Variants in SAMD4A observed in about 807,000 individuals in gnomAD.
SAMD4A encodes the protein protein Smaug homolog 1.
SAMD4A carries 33 observed loss-of-function variants against 81.3 expected under a neutral mutation model. The observed-to-expected ratio is 0.41, with a 90% CI of 0.31 to 0.54. The LOEUF is 0.54. Among genes scored for constraint, SAMD4A ranks in the 20% least tolerant of loss-of-function variants. The pLI is 0.37. For missense variants in SAMD4A, 854 were observed against 951.1 expected (o/e 0.90, Z 1.34); for synonymous variants, 389 against 382.1 (o/e 1.02, Z -0.21).
rs2033335346 is a variant in SAMD4A, at chr14:54,577,471, G to A, written c.196+9359G>A. On this transcript the variant is annotated intron_variant, in intron 2 of 12. Coordinates refer to ENST00000554335, the MANE Select transcript of SAMD4A (RefSeq NM_015589.6). ...AGAATCATGATCAAAATATTTGAAT[G>A]TAACCAGATGACATATAAAGCATTA... is the stretch of plus-strand genomic sequence containing the variant. Among the ~76,000 whole-genome samples, 4 of 152,234 alleles carry A rather than the reference G, an allele frequency of 2.6e-5. No individual in the cohort carries two copies. The South Asian group carries it at 8.3e-4, about 31-fold the overall frequency.
intron 2 of SAMD4A, among the ~76,000 whole-genome samples, chr14:54,642,418 C>T (rs35399674): frequency 0.4 from 60,548 of 152,032 alleles, 13,505 homozygotes; most frequent in East Asian, 0.77. Context: ...GTTACAAACC[C>T]GACATAAACT....
At chr14:54,598,489 A>G (rs1006731804) in intron 2 of SAMD4A, among the ~76,000 whole-genome samples, 1 of 152,336 alleles carries the variant, frequency 6.6e-6, no homozygotes, top group Admixed American at 6.5e-5. Flanking sequence ...TATTATTATG[A>G]TTAAAGAATT....
intron 2 of SAMD4A, among the ~76,000 whole-genome samples, chr14:54,622,090 A>G (rs2034631558): frequency 6.6e-6 from 1 of 152,204 alleles, no homozygotes; most frequent in Non-Finnish European, 1.5e-5. Flanking sequence ...TCAAGAAATG[A>G]ATTTTCTTGA....
At chr14:54,743,424 T>A (rs151076777) in intron 4 of SAMD4A, among the ~76,000 whole-genome samples, 43 of 152,342 alleles carry the variant, frequency 2.8e-4, no homozygotes, top group African/African-American at 9.6e-4. Flanking sequence ...AAGCAAGTCC[T>A]CAGGATTCCC....
At chr14:54,775,536 G>A (rs568523531) in intron 10 of SAMD4A, among the ~76,000 whole-genome samples, 44 of 152,316 alleles carry the variant, frequency 2.9e-4, no homozygotes, top group African/African-American at 1.1e-3. Flanking sequence ...CTCTGGTGGA[G>A]CATCCACAGG....
At chr14:54,672,130 G>A (rs932585947) in intron 2 of SAMD4A, among the ~76,000 whole-genome samples, 1 of 144,668 alleles carries the variant, frequency 6.9e-6, no homozygotes, top group Non-Finnish European at 1.5e-5. Context: ...TTGCCTTGTT[G>A]CCCAGGCTGG....
intron 2 of SAMD4A, among the ~76,000 whole-genome samples, chr14:54,680,566 C>T (rs2036103094): frequency 6.6e-6 from 1 of 152,182 alleles, no homozygotes; most frequent in Non-Finnish European, 1.5e-5. Context: ...TGTTAAATAT[C>T]CTTTTCTGAG....
chr14:54,681,962 A>C, intron 2 of SAMD4A: 3 of 985,430 alleles, frequency 3.0e-6, no homozygotes, highest in Non-Finnish European at 3.6e-6. Context: ...TTGAAGACAG[A>C]CCACAAAATA....
At chr14:54,600,717 T>A (rs535473735) in intron 2 of SAMD4A, among the ~76,000 whole-genome samples, 2 of 152,348 alleles carry the variant, frequency 1.3e-5, no homozygotes, top group East Asian at 3.9e-4. Context: ...GCCCCTTTAC[T>A]AGGAGGCTGG....
chr14:54,606,943 G>A (rs1341999058), intron 2 of SAMD4A, among the ~76,000 whole-genome samples: 1 of 152,222 alleles, frequency 6.6e-6, no homozygotes, highest in Admixed American at 6.5e-5. Context: ...TGGTGAGGAG[G>A]TGGAGTTTGG....
chr14:54,696,929 A>G (rs1216304647), intron 2 of SAMD4A: 2 of 152,244 alleles, frequency 1.3e-5, no homozygotes, highest in East Asian at 1.9e-4. Context: ...TAAGTTTTCC[A>G]CTGTGTCCTG....
chr14:54,705,152 G>C (rs2036820986), intron 3 of SAMD4A, among the ~76,000 whole-genome samples: 1 of 151,312 alleles, frequency 6.6e-6, no homozygotes. Context: ...CCTGGTTGCA[G>C]CAGCAACAGT....
intron 8 of SAMD4A, among the ~76,000 whole-genome samples, chr14:54,768,683 G>C (rs1322562546): frequency 1.3e-5 from 2 of 152,220 alleles, no homozygotes. Context: ...CATGCAGGGA[G>C]CATCACCAAC....
chr14:54,681,731 CT>C (rs1259535921), intron 2 of SAMD4A: 1 of 955,092 alleles, frequency 1.0e-6, no homozygotes, highest in Non-Finnish European at 1.2e-6. Context: ...CACGCCCTGC[CT>C]TTTAGAAAAC....
At chr14:54,578,996 T>A (rs1399672175) in intron 2 of SAMD4A, among the ~76,000 whole-genome samples, 1 of 152,220 alleles carries the variant, frequency 6.6e-6, no homozygotes, top group Non-Finnish European at 1.5e-5. Context: ...TTAACAAAAG[T>A]AACTCAGAAT....
intron 2 of SAMD4A, among the ~76,000 whole-genome samples, chr14:54,645,311 A>G (rs915456927): frequency 2.0e-5 from 3 of 152,212 alleles, no homozygotes; most frequent in Non-Finnish European, 2.9e-5. Flanking sequence ...ACAGAAAACT[A>G]CTTTTTAAAA....
intron 2 of SAMD4A, among the ~76,000 whole-genome samples, chr14:54,617,701 A>G (rs2034522947): frequency 6.6e-6 from 1 of 152,204 alleles, no homozygotes; most frequent in Admixed American, 6.5e-5. Context: ...CACTACTCAC[A>G]CTACAGAATT....
At position 54,760,434 on chromosome 14, in the gene SAMD4A, G is replaced by T. The variant is rs149416017; in HGVS notation, c.1450G>T (p.Ala484Ser). 0.019 allele frequency: 27,699 copies of T among 1,431,642 alleles called. 382 individuals are homozygous for T. Among genetic ancestry groups the T allele is most frequent in the Middle Eastern group, 0.096 (530 of 5,494 alleles). 88.7% of individuals were successfully genotyped at this position (1,431,642 alleles called of 1,614,324 possible). A position where few individuals can be genotyped will look rare whatever the true frequency, so the allele number is the denominator to read the frequency against. Residue 484 changes from alanine (A) to serine (S), a missense_variant, in exon 7 of 13, where the codon GCC becomes TCC. Physicochemically the swap from Ala to Ser is moderately conservative, Grantham distance 99 (BLOSUM62 1). This residue lies in a region of SAMD4A where 428 missense variants were observed against 471.2 expected (regional missense o/e 0.91). Transcript: ENST00000554335. Reference sequence around the variant, plus strand: ...GCTGAGCAGCTGCGATGGGGAGCTGGCCGTCGCCCCCCTGCCAGAGGGGGA... The same window carrying T: ...GCTGAGCAGCTGCGATGGGGAGCTGTCCGTCGCCCCCCTGCCAGAGGGGGA... Reference protein sequence around the residue: ...HQLSSCDGELAVAPLPEGDLP... With the variant: ...HQLSSCDGELSVAPLPEGDLP...
At chr14:54,687,336 G>C in intron 2 of SAMD4A, 2 of 456,576 alleles carry the variant, frequency 4.4e-6, no homozygotes, top group South Asian at 1.5e-5. Flanking sequence ...TTGGCATCTC[G>C]GGGAGGACCA....
Sources: gnomAD v4.1 joint callset for allele counts (sites outside exome capture counted in the v4.1 genomes callset) on GRCh38, gnomAD v4.1.1 for gene constraint, gnomAD v4.1.1 regional missense constraint, MANE v1.5 for transcripts, NCBI Gene and HGNC (gene_info 2026-07-23, HGNC 2026-07-21) for gene names.